The following ANKS1B variants were observed in gnomAD, a reference collection of about 807,000 sequenced individuals.
ANKS1B encodes ankyrin repeat and sterile alpha motif domain-containing protein 1B.
In ANKS1B, 36 loss-of-function variants were observed where a neutral mutation model predicts 148.3. That is an observed-to-expected ratio of 0.24 (90% CI 0.19 to 0.32). The LOEUF (loss-of-function observed/expected upper bound fraction) is 0.32, where lower values mean the gene tolerates loss of function less well. Ranked by LOEUF, ANKS1B falls within the 10% of genes least tolerant of loss-of-function variation. ANKS1B has a pLI of 1.00. For missense variants in ANKS1B, 1,157 were observed against 1,542.6 expected (o/e 0.75, Z 4.19); for synonymous variants, 542 against 560.8 (o/e 0.97, Z 0.47).
chr12:99,728,800 G>A (rs1479836757), intron 8 of ANKS1B, among the ~76,000 whole-genome samples: 1 of 152,168 alleles, frequency 6.6e-6, no homozygotes, highest in East Asian at 1.9e-4. Context: ...AAAAAGAAAT[G>A]AGACCTTGTC....
At chr12:99,847,220 C>T (rs80283578) in intron 1 of ANKS1B, among the ~76,000 whole-genome samples, 4,556 of 152,014 alleles carry the variant, frequency 0.03, 201 homozygotes, top group African/African-American at 0.097. Flanking sequence ...ATCCTCCCAC[C>T]TCATCCTCCT....
At chr12:99,221,529 A>G (rs1271618828) in intron 14 of ANKS1B, among the ~76,000 whole-genome samples, 1 of 152,180 alleles carries the variant, frequency 6.6e-6, no homozygotes, top group Non-Finnish European at 1.5e-5. Flanking sequence ...AGAATGGGCC[A>G]AGGCATTTTG....
At chr12:99,558,622 T>A (rs1352309297) in intron 9 of ANKS1B, among the ~76,000 whole-genome samples, 1 of 151,994 alleles carries the variant, frequency 6.6e-6, no homozygotes, top group Non-Finnish European at 1.5e-5. Flanking sequence ...GGAGCTATGA[T>A]GAGATCCCTG....
chr12:99,471,334 G>C (rs187642059), intron 10 of ANKS1B, among the ~76,000 whole-genome samples: 1 of 151,770 alleles, frequency 6.6e-6, no homozygotes, highest in African/African-American at 2.4e-5. Context: ...ATATTTATGA[G>C]TCCAAAAGTA....
intron 17 of ANKS1B, among the ~76,000 whole-genome samples, chr12:98,948,144 C>T (rs2099848276): frequency 6.6e-6 from 1 of 152,086 alleles, no homozygotes; most frequent in South Asian, 2.1e-4. Context: ...ACTTTTGTTG[C>T]TGTAATTGCC....
intron 17 of ANKS1B, among the ~76,000 whole-genome samples, chr12:98,853,277 C>T (rs767892554): frequency 6.6e-6 from 1 of 152,218 alleles, no homozygotes; most frequent in Non-Finnish European, 1.5e-5. Flanking sequence ...CAAAAATAAA[C>T]CTAAATTCCT....
At chr12:99,783,490 G>A (rs1250108251) in intron 4 of ANKS1B, among the ~76,000 whole-genome samples, 1 of 152,200 alleles carries the variant, frequency 6.6e-6, no homozygotes, top group Non-Finnish European at 1.5e-5. Context: ...ATCATTGTAA[G>A]TTGGGGGCTG....
chr12:99,648,160 G>C, intron 9 of ANKS1B: 2 of 1,574,690 alleles, frequency 1.3e-6, no homozygotes, highest in South Asian at 1.1e-5. Context: ...GAACTGTCTT[G>C]ATTTAAAGGA....
At chr12:99,820,517 T>C (rs574336471) in intron 2 of ANKS1B, among the ~76,000 whole-genome samples, 1 of 152,058 alleles carries the variant, frequency 6.6e-6, no homozygotes, top group East Asian at 1.9e-4. Flanking sequence ...AGCAGATGGA[T>C]ACAACAACAG....
intron 9 of ANKS1B, among the ~76,000 whole-genome samples, chr12:99,525,414 G>T (rs1203029997): frequency 1.3e-5 from 2 of 152,130 alleles, no homozygotes; most frequent in East Asian, 3.8e-4. Context: ...CAATAGACAG[G>T]TTATCAATTT....
chr12:99,185,790 G>C (rs1200990998), intron 14 of ANKS1B, among the ~76,000 whole-genome samples: 1 of 152,216 alleles, frequency 6.6e-6, no homozygotes, highest in Admixed American at 6.5e-5. Context: ...CAAGGGCCCT[G>C]GGTTTCAAGC....
chr12:99,574,830 A>G (rs2097499943), intron 9 of ANKS1B, among the ~76,000 whole-genome samples: 1 of 152,080 alleles, frequency 6.6e-6, no homozygotes, highest in African/African-American at 2.4e-5. Context: ...CAATGATGAA[A>G]AGCTGAATGT....
chr12:99,060,445 T>C (rs955438938), intron 16 of ANKS1B, among the ~76,000 whole-genome samples: 23 of 152,190 alleles, frequency 1.5e-4, no homozygotes, highest in Admixed American at 1.4e-3. Flanking sequence ...ACTCTTATTT[T>C]ATGCGTTTTA....
chr12:99,577,472 A>G (rs1024382610), intron 9 of ANKS1B, among the ~76,000 whole-genome samples: 2 of 151,784 alleles, frequency 1.3e-5, no homozygotes, highest in Non-Finnish European at 2.9e-5. Flanking sequence ...TAAGATCAAT[A>G]GACTGCTGGA....
intron 11 of ANKS1B, among the ~76,000 whole-genome samples, chr12:99,402,000 A>G (rs2094417129): frequency 6.8e-6 from 1 of 146,578 alleles, no homozygotes; most frequent in Non-Finnish European, 1.5e-5. Flanking sequence ...GTCGCAACAC[A>G]GGTCATATTT....
rs138214455 is a variant in ANKS1B at position 98,863,021 on chromosome 12, C to T, written c.2779-30885G>A. On this transcript the variant is annotated intron_variant, in intron 17 of 26. Coordinates refer to ENST00000683438, the MANE Select transcript of ANKS1B (RefSeq NM_001352186.2). Reference sequence around the variant, plus strand: ...TCTCCTGACACATTTACAACAGGCACTCTGTGTAAAACCCATTCGCATCAC... The same window carrying T: ...TCTCCTGACACATTTACAACAGGCATTCTGTGTAAAACCCATTCGCATCAC... Among the ~76,000 whole-genome samples the T allele has an allele frequency of 4.6e-5, 7 of 152,314 alleles. No homozygotes were observed. In the South Asian group the frequency reaches 1.0e-3, roughly 23 times the overall value.
intron 16 of ANKS1B, among the ~76,000 whole-genome samples, chr12:99,065,638 C>CCCATCCATCCAT (rs34386631): frequency 1.9e-4 from 8 of 41,894 alleles, no homozygotes; most frequent in African/African-American, 4.1e-4. Flanking sequence ...ATCCATCCAT[C>CCCATCCATCCAT]CCATCCATCC....
At chr12:99,843,493 T>C (rs1020794245) in intron 1 of ANKS1B, among the ~76,000 whole-genome samples, 4 of 152,100 alleles carry the variant, frequency 2.6e-5, no homozygotes, top group Admixed American at 2.0e-4. Flanking sequence ...CACTTATAAG[T>C]GAGAACATGT....
intron 12 of ANKS1B, among the ~76,000 whole-genome samples, chr12:99,358,686 T>TAC (rs34631898): frequency 0.33 from 49,159 of 149,520 alleles, 8,727 homozygotes; most frequent in African/African-American, 0.49. Flanking sequence ...TGTGCATGCA[T>TAC]ACACACACAC....
Sources: allele counts gnomAD v4.1 joint callset (sites outside exome capture counted in the v4.1 genomes callset), GRCh38; gene constraint gnomAD v4.1.1; transcripts MANE v1.5; gene names NCBI Gene and HGNC (gene_info 2026-07-23, HGNC 2026-07-21).